Variants in PPFIBP2 observed in about 807,000 individuals in gnomAD.
PPFIBP2 encodes the protein PPFIB scaffold protein 2.
A neutral mutation model predicts 118.3 loss-of-function variants in PPFIBP2; 118 were observed. That is an observed-to-expected ratio of 1.00 (90% CI 0.86 to 1.16). PPFIBP2 has a LOEUF of 1.16. Ranked by LOEUF, PPFIBP2 falls within the 50% of genes most tolerant of loss-of-function variation. The pLI, the probability that PPFIBP2 is intolerant of heterozygous loss-of-function variation, is 0.00. For missense variants in PPFIBP2, 1,195 were observed against 1,073.1 expected, an observed-to-expected ratio of 1.11 and a Z score of -1.59; for synonymous variants, 414 against 397.4, an observed-to-expected ratio of 1.04 and a Z score of -0.50.
At chr11:7,595,320 T>C (rs1860091595) in intron 4 of PPFIBP2, among the ~76,000 whole-genome samples, 1 of 152,218 alleles carries the variant, frequency 6.6e-6, no homozygotes, top group Non-Finnish European at 1.5e-5. Context: ...CCCAATGACA[T>C]GATTAATGAA....
At chr11:7,574,856 G>A (rs925783031) in intron 3 of PPFIBP2, among the ~76,000 whole-genome samples, 5 of 152,144 alleles carry the variant, frequency 3.3e-5, no homozygotes, top group Non-Finnish European at 5.9e-5. Flanking sequence ...GAATTACAAC[G>A]TAAGTAAAAT....
In PPFIBP2 at chr11:7,610,440, C is replaced by T; in HGVS notation, c.618+18C>T. On this transcript the variant is annotated intron_variant, in intron 6 of 23. Transcript: ENST00000299492. ...AAGCAGAGGTAAGGGTGAGTGTGTA[C>T]TGTCCTAAGCTCAGACCTGGGAAGG... 1 of 1,609,752 alleles carries T rather than the reference C, an allele frequency of 6.2e-7. No homozygotes were observed. The highest frequency in any genetic ancestry group is 8.5e-7 in the Non-Finnish European group (1 of 1,178,134).
At chr11:7,586,073 T>C (rs760175802) in intron 3 of PPFIBP2, among the ~76,000 whole-genome samples, 47 of 152,356 alleles carry the variant, frequency 3.1e-4, no homozygotes, top group South Asian at 8.3e-4. Flanking sequence ...TCTTTGGCAA[T>C]GTGGCCCAAA....
intron 2 of PPFIBP2, 53 bp downstream of exon 2, chr11:7,549,592 C>G: frequency 7.2e-7 from 1 of 1,387,532 alleles, no homozygotes; most frequent in South Asian, 1.5e-5. Flanking sequence ...ATTCCAGGAA[C>G]TGCTTCTCTC....
the PPFIBP2 span, among the ~76,000 whole-genome samples, chr11:7,662,369 C>G: frequency 2.0e-5 from 3 of 152,262 alleles, no homozygotes; most frequent in South Asian, 6.2e-4. Context: ...TCAGCATTTG[C>G]TTGTCTGTAA....
chr11:7,569,999 T>G (rs1051781610), intron 3 of PPFIBP2, among the ~76,000 whole-genome samples: 1 of 152,124 alleles, frequency 6.6e-6, no homozygotes, highest in Non-Finnish European at 1.5e-5. Context: ...TATGCTGGCA[T>G]GTAATCATCA....
intron 17 of PPFIBP2, among the ~76,000 whole-genome samples, chr11:7,646,250 G>T (rs1281514300): frequency 2.0e-5 from 3 of 152,192 alleles, no homozygotes; most frequent in Admixed American, 1.3e-4. Context: ...TGAGTTAAAT[G>T]AACTTTGTCA....
At chr11:7,565,894 T>C in intron 3 of PPFIBP2, 127 bp downstream of exon 3, 1 of 1,032,082 alleles carries the variant, frequency 9.7e-7, no homozygotes, top group Non-Finnish European at 1.4e-6. Flanking sequence ...CATCCCACTT[T>C]GGCCAACGCT....
At chr11:7,562,569 G>A (rs982916404) in intron 2 of PPFIBP2, among the ~76,000 whole-genome samples, 7 of 152,116 alleles carry the variant, frequency 4.6e-5, no homozygotes, top group African/African-American at 1.7e-4. Flanking sequence ...AAGAGGAATG[G>A]GTCACTGACG....
chr11:7,666,220 G>GTA, the PPFIBP2 span: 1 of 594,190 alleles, frequency 1.7e-6, no homozygotes. Context: ...AGTGCAGCGT[G>GTA]AGGTGCTGCT....
At chr11:7,523,910 A>G (rs1191707339) in intron 1 of PPFIBP2, among the ~76,000 whole-genome samples, 2 of 152,188 alleles carry the variant, frequency 1.3e-5, no homozygotes, top group Non-Finnish European at 2.9e-5. Context: ...GTAAAGTTAC[A>G]CTTCCACAGT....
chr11:7,514,932 C>A (rs1056808280), intron 1 of PPFIBP2, among the ~76,000 whole-genome samples: 13 of 152,330 alleles, frequency 8.5e-5, no homozygotes, highest in African/African-American at 3.1e-4. Context: ...TGGTCTACTT[C>A]CTGTCTTTCT....
At chr11:7,549,348 G>A in intron 1 of PPFIBP2, 92 bp from the exon 2 acceptor site, 2 of 1,122,472 alleles carry the variant, frequency 1.8e-6, no homozygotes, top group Non-Finnish European at 2.6e-6. Flanking sequence ...AAAACACGTT[G>A]TGTGATGATG....
chr11:7,658,243 CCACT>C (rs1210512276), downstream of PPFIBP2, among the ~76,000 whole-genome samples: 1 of 148,660 alleles, frequency 6.7e-6, no homozygotes, highest in Non-Finnish European at 1.5e-5. Flanking sequence ...TGCACTGCAC[CCACT>C]AACTCGTCAT....
At chr11:7,662,863 C>G in the PPFIBP2 span, among the ~76,000 whole-genome samples, 1 of 148,980 alleles carries the variant, frequency 6.7e-6, no homozygotes, top group Non-Finnish European at 1.5e-5. Context: ...ATTCTTTTTT[C>G]TCTAAACTTC....
intron 9 of PPFIBP2, 131 bp from the exon 10 acceptor site, chr11:7,629,328 G>A: frequency 1.2e-6 from 1 of 852,770 alleles, no homozygotes; most frequent in Non-Finnish European, 1.9e-6. Flanking sequence ...AATGGGGCCT[G>A]GACACTCTTT....
intron 8 of PPFIBP2, 72 bp from the exon 9 acceptor site, chr11:7,628,213 G>A (rs1850279371): frequency 1.6e-6 from 2 of 1,289,874 alleles, no homozygotes; most frequent in South Asian, 1.3e-5. Flanking sequence ...TGAACTTGGG[G>A]GACATCATAG....
chr11:7,651,835 C>T lies in PPFIBP2; in HGVS notation c.2427C>T (p.Ala809=). The change falls in exon 23 of 24, where the codon GCC becomes GCT. Residue 809 remains alanine (A), a synonymous_variant. Coordinates refer to ENST00000299492, the MANE Select transcript of PPFIBP2 (RefSeq NM_003621.5). ...CTTACACACCACTGACCACCACAGC[C>T]AAAGTCCGGGTGAGTTGCAGAGCCT... ...SPAYTPLTTT[A]KVRPRKLGFS... 6.2e-7 allele frequency: 1 copy of T among 1,610,430 alleles called. No individual in the cohort carries two copies. Among genetic ancestry groups the T allele is most frequent in the Non-Finnish European group, 8.5e-7 (1 of 1,177,138 alleles).
chr11:7,555,656 C>A (rs1003676428), intron 2 of PPFIBP2, among the ~76,000 whole-genome samples: 1 of 152,200 alleles, frequency 6.6e-6, no homozygotes, highest in Admixed American at 6.5e-5. Flanking sequence ...GTCTAAGGGG[C>A]AGAGCTATCA....
Sources: allele counts gnomAD v4.1 joint callset (sites outside exome capture counted in the v4.1 genomes callset), GRCh38; gene constraint gnomAD v4.1.1; transcripts MANE v1.5; gene names NCBI Gene and HGNC (gene_info 2026-07-23, HGNC 2026-07-21).